Variants in LAPTM4B observed in about 807,000 individuals in gnomAD.
LAPTM4B encodes the protein lysosomal-associated transmembrane protein 4B.
A neutral mutation model predicts 28.5 loss-of-function variants in LAPTM4B; 26 were observed. That is an observed-to-expected ratio of 0.91 (90% confidence interval 0.67 to 1.27). The LOEUF is 1.27. LAPTM4B is among the 50% of genes most tolerant of loss of function. LAPTM4B has a pLI of 0.00. For missense variants in LAPTM4B, 288 were observed against 285.8 expected, an observed-to-expected ratio of 1.01 and a Z score of -0.06; for synonymous variants, 109 against 106.4, an observed-to-expected ratio of 1.02 and a Z score of -0.15.
intron 6 of LAPTM4B, among the ~76,000 whole-genome samples, chr8:97,826,701 G>A (rs916236353): frequency 6.6e-6 from 1 of 152,036 alleles, no homozygotes; most frequent in African/African-American, 2.4e-5. Flanking sequence ...TAGAGATAGG[G>A]TGTTGCCATG....
intron 4 of LAPTM4B, among the ~76,000 whole-genome samples, chr8:97,818,747 G>A (rs1380101071): frequency 6.6e-6 from 1 of 152,042 alleles, no homozygotes; most frequent in Non-Finnish European, 1.5e-5. Flanking sequence ...CGCCCGGGCG[G>A]CTGGAGTGCA....
At chr8:97,812,125 A>G (rs771759465) in intron 2 of LAPTM4B, among the ~76,000 whole-genome samples, 17 of 151,222 alleles carry the variant, frequency 1.1e-4, no homozygotes, top group Admixed American at 2.6e-4. Flanking sequence ...ATTTTCATCA[A>G]TCTGCCCTCC....
At chr8:97,817,020 A>C (rs1464943704) in intron 4 of LAPTM4B, among the ~76,000 whole-genome samples, 1 of 152,132 alleles carries the variant, frequency 6.6e-6, no homozygotes, top group Non-Finnish European at 1.5e-5. Flanking sequence ...TTGACCATAG[A>C]ATCCCTTTCT....
intron 5 of LAPTM4B, 98 bp downstream of exon 5, chr8:97,819,336 G>A: frequency 1.4e-6 from 1 of 690,510 alleles, no homozygotes; most frequent in Non-Finnish European, 2.4e-6. Context: ...GTCTTTCTTT[G>A]GACATCCAAA....
At chr8:97,822,443 C>CATTT (rs767367654) in intron 5 of LAPTM4B, among the ~76,000 whole-genome samples, 48 of 151,888 alleles carry the variant, frequency 3.2e-4, no homozygotes, top group Non-Finnish European at 5.1e-4. Flanking sequence ...ATCTTTTAAA[C>CATTT]ATTTTCACTT....
intron 1 of LAPTM4B, among the ~76,000 whole-genome samples, chr8:97,784,673 C>G (rs964944652): frequency 6.6e-6 from 1 of 152,074 alleles, no homozygotes; most frequent in Non-Finnish European, 1.5e-5. Context: ...CTCCTGACTT[C>G]GTGATCTGCC....
intron 6 of LAPTM4B, among the ~76,000 whole-genome samples, chr8:97,836,984 G>A (rs1481671453): frequency 6.6e-6 from 1 of 151,724 alleles, no homozygotes. Flanking sequence ...TGATGACTGG[G>A]GCAAAGGCCA....
intron 2 of LAPTM4B, among the ~76,000 whole-genome samples, chr8:97,806,802 G>A (rs1816760541): frequency 4.6e-5 from 7 of 152,052 alleles, no homozygotes; most frequent in Admixed American, 4.6e-4. Flanking sequence ...ACTAAAAATA[G>A]AAAAATTAGC....
At chr8:97,786,388 A>G (rs940142285) in intron 1 of LAPTM4B, among the ~76,000 whole-genome samples, 1 of 144,886 alleles carries the variant, frequency 6.9e-6, no homozygotes, top group Admixed American at 7.1e-5. Flanking sequence ...TCAAATTATT[A>G]GTAAACATAA....
intron 5 of LAPTM4B, among the ~76,000 whole-genome samples, chr8:97,821,124 T>G (rs1339979193): frequency 6.6e-6 from 1 of 151,798 alleles, no homozygotes; most frequent in Non-Finnish European, 1.5e-5. Flanking sequence ...GATCACGAGA[T>G]CAGGAGATCG....
At chr8:97,791,222 C>T (rs1243147129) in intron 1 of LAPTM4B, among the ~76,000 whole-genome samples, 1 of 152,118 alleles carries the variant, frequency 6.6e-6, no homozygotes, top group Non-Finnish European at 1.5e-5. Context: ...TTTTTGTGCA[C>T]AGAGTTTAGG....
intron 6 of LAPTM4B, among the ~76,000 whole-genome samples, chr8:97,844,585 G>C (rs1310593966): frequency 1.3e-5 from 2 of 152,166 alleles, no homozygotes; most frequent in Non-Finnish European, 2.9e-5. Flanking sequence ...GGTTTCACAA[G>C]ACTGGAAGAC....
intron 6 of LAPTM4B, among the ~76,000 whole-genome samples, chr8:97,827,447 T>C (rs1817106977): frequency 6.6e-6 from 1 of 152,230 alleles, no homozygotes; most frequent in Admixed American, 6.5e-5. Flanking sequence ...TTCCCCCATA[T>C]CTATGAATCT....
In LAPTM4B at chr8:97,816,047, G is replaced by C. The variant is rs778440757; in HGVS notation, c.286-11G>C. The C allele has an allele frequency of 3.1e-6, 5 of 1,593,258 alleles. No homozygotes were observed. In the African/African-American group the frequency reaches 6.8e-5, roughly 22 times the overall value. On this transcript the variant is annotated splice_polypyrimidine_tract_variant and intron_variant, in intron 3 of 6. Coordinates refer to ENST00000521545, the MANE Select transcript of LAPTM4B (RefSeq NM_018407.6). ...TGAACACATTAACTTTCTATTTTCT[G>C]TTCTGTTTAGCAACGCGCAGCCTGG...
chr8:97,822,769 G>GCAGAA (rs1277980029), intron 5 of LAPTM4B, among the ~76,000 whole-genome samples: 1 of 152,044 alleles, frequency 6.6e-6, no homozygotes, highest in East Asian at 1.9e-4. Context: ...TTGATACAGT[G>GCAGAA]CAGAATAATC....
chr8:97,829,028 A>G (rs1817137245), intron 6 of LAPTM4B, among the ~76,000 whole-genome samples: 1 of 152,176 alleles, frequency 6.6e-6, no homozygotes, highest in Non-Finnish European at 1.5e-5. Context: ...CTGCAGAGGA[A>G]AAAGAGTCCT....
chr8:97,818,842 C>T (rs111233152), intron 4 of LAPTM4B, among the ~76,000 whole-genome samples: 2 of 136,976 alleles, frequency 1.5e-5, no homozygotes, highest in Non-Finnish European at 3.0e-5. Context: ...CTGAGCTGGG[C>T]GACAGAGAGA....
intron 6 of LAPTM4B, among the ~76,000 whole-genome samples, chr8:97,834,131 C>A (rs1817224247): frequency 1.6e-5 from 1 of 63,312 alleles, no homozygotes; most frequent in Non-Finnish European, 3.6e-5. Context: ...ATAGTGAGAC[C>A]CCTGTCTCTA....
Position 97,775,832 on chromosome 8 carries a change from C to T in LAPTM4B, c.-178C>T. On this transcript the variant is annotated 5_prime_UTR_variant, in exon 1 of 7. Coordinates refer to ENST00000521545, the MANE Select transcript of LAPTM4B (RefSeq NM_018407.6). ...TCGCCTTCGGAGCGAAGGGTACCGA[C>T]CCGGCAGAAGCTCGGAGCTCTCGGG... The T allele has an allele frequency of 3.2e-6, 5 of 1,551,484 alleles. No individual in the cohort carries two copies. Among genetic ancestry groups the T allele is most frequent in the Non-Finnish European group, 4.3e-6 (5 of 1,154,872 alleles).
Sources: allele counts gnomAD v4.1 joint callset (sites outside exome capture counted in the v4.1 genomes callset), GRCh38; gene constraint gnomAD v4.1.1; transcripts MANE v1.5; gene names NCBI Gene and HGNC (gene_info 2026-07-23, HGNC 2026-07-21).